Variants in ABCC11 observed in about 807,000 individuals in gnomAD.
ABCC11 encodes ATP-binding cassette sub-family C member 11.
Under a neutral mutation model 149.3 loss-of-function variants are expected in ABCC11, and 135 were observed. The observed-to-expected ratio is 0.90, with a 90% CI of 0.79 to 1.04. The LOEUF (loss-of-function observed/expected upper bound fraction) is 1.04. Ranked by LOEUF, ABCC11 falls within the 50% of genes least tolerant of loss-of-function variation. The pLI is 0.00. For missense variants in ABCC11, 1,680 were observed against 1,722.1 expected (o/e 0.98, Z 0.43); for synonymous variants, 665 against 671.4 (o/e 0.99, Z 0.15).
intron 1 of ABCC11, among the ~76,000 whole-genome samples, chr16:48,246,955 G>T (rs1971420873): frequency 6.6e-6 from 1 of 152,060 alleles, no homozygotes; most frequent in Non-Finnish European, 1.5e-5. Flanking sequence ...TAATAATCAG[G>T]TACTGTGTGA....
intron 10 of ABCC11, among the ~76,000 whole-genome samples, chr16:48,211,412 A>G (rs1054451635): frequency 3.3e-5 from 5 of 152,038 alleles, no homozygotes; most frequent in Non-Finnish European, 5.9e-5. Context: ...CCACCGGGCC[A>G]CTCTTCCATA....
In ABCC11 at chr16:48,170,232, A is replaced by G. The variant is rs1459591343; in HGVS notation, c.3778-14T>C. ...GAACTTTGAGATCTGCGATATGGGA[A>G]GAAGAGACAACATAACCTGGAAGCC... On this transcript the variant is annotated splice_polypyrimidine_tract_variant and intron_variant, in intron 27 of 29. Transcript: ENST00000356608. 6.2e-7 allele frequency: 1 copy of G among 1,602,490 alleles called. No individual in the cohort carries two copies. The highest frequency in any genetic ancestry group is 8.6e-7 in the Non-Finnish European group (1 of 1,169,546).
At chr16:48,238,543 A>G (rs984671298) in intron 1 of ABCC11, among the ~76,000 whole-genome samples, 27 of 152,164 alleles carry the variant, frequency 1.8e-4, no homozygotes, top group Non-Finnish European at 3.1e-4. Flanking sequence ...CCTGCAACCT[A>G]AGGCCAAACC....
chr16:48,200,627 G>T, intron 14 of ABCC11, 148 bp from the exon 15 acceptor site: 1 of 814,404 alleles, frequency 1.2e-6, no homozygotes, highest in Non-Finnish European at 1.9e-6. Flanking sequence ...TTGGCATTCT[G>T]GACTTAAAAA....
At chr16:48,225,437 T>A (rs1350177671) in intron 4 of ABCC11, among the ~76,000 whole-genome samples, 1 of 152,232 alleles carries the variant, frequency 6.6e-6, no homozygotes, top group Non-Finnish European at 1.5e-5. Context: ...ATGCCATTTA[T>A]TTGTTGGAGA....
Position 48,208,483 on chromosome 16 carries a change from C to G in ABCC11, c.1622G>C (p.Gly541Ala). 6.2e-7 allele frequency: 1 copy of G among 1,614,192 alleles called. No individual in the cohort carries two copies. The highest frequency in any genetic ancestry group is 1.1e-5 in the South Asian group (1 of 91,084). The change falls in exon 12 of 30, where the codon GGG (glycine) becomes GCG (alanine). Residue 541 changes from glycine to alanine, a missense_variant. Transcript: ENST00000356608. Reference sequence around the variant, plus strand: ...ACCACTCCCCGTGTTGCCGCAGACCCCTAACATCATCCCCTGCAAGCCAAG... The same window carrying G: ...ACCACTCCCCGTGTTGCCGCAGACCGCTAACATCATCCCCTGCAAGCCAAG... ...NLVVSKGMML[G>A]VCGNTGSGKS...
rs1305197175 is a variant in ABCC11 at position 48,205,128 on chromosome 16, T to C, written c.1805+285A>G. Among the ~76,000 whole-genome samples the C allele has an allele frequency of 2.0e-5, 3 of 152,290 alleles. No homozygotes were observed. In the East Asian group the frequency reaches 5.8e-4, roughly 29 times the overall value. Reference sequence around the variant, plus strand: ...ACTATTTTGAGCCAATATAGCGTAATAGTTAAGCACGAAGTTTCTGAAAGC... The same window carrying C: ...ACTATTTTGAGCCAATATAGCGTAACAGTTAAGCACGAAGTTTCTGAAAGC... On this transcript the variant is annotated intron_variant, in intron 13 of 29. Coordinates refer to ENST00000356608, the MANE Select transcript of ABCC11 (RefSeq NM_001370497.1).
At chr16:48,191,323 C>A (rs1966905282) in intron 20 of ABCC11, among the ~76,000 whole-genome samples, 1 of 152,152 alleles carries the variant, frequency 6.6e-6, no homozygotes, top group Admixed American at 6.5e-5. Flanking sequence ...ATGGCTTGAG[C>A]CCAGGAGTTC....
intron 17 of ABCC11, 21 bp from the exon 18 acceptor site, chr16:48,196,342 AG>A: frequency 6.2e-7 from 1 of 1,610,600 alleles, no homozygotes; most frequent in Non-Finnish European, 8.5e-7. Context: ...GTAGAAGAAG[AG>A]AAAAGTGGTA....
intron 1 of ABCC11, among the ~76,000 whole-genome samples, chr16:48,244,972 G>A (rs989101079): frequency 6.6e-6 from 1 of 151,976 alleles, no homozygotes; most frequent in African/African-American, 2.4e-5. Flanking sequence ...CTTTCTCCCC[G>A]GTGATCTCTG....
chr16:48,222,480 T>C (rs1969807921), intron 6 of ABCC11, 118 bp downstream of exon 6: 1 of 816,880 alleles, frequency 1.2e-6, no homozygotes, highest in Non-Finnish European at 1.9e-6. Flanking sequence ...AATTATTTTC[T>C]TTCTCTTTCT....
At chr16:48,208,572 T>A (rs1200205345) in intron 11 of ABCC11, 76 bp from the exon 12 acceptor site, 22 of 1,511,774 alleles carry the variant, frequency 1.5e-5, no homozygotes, top group Non-Finnish European at 1.8e-5. Context: ...GCGGCTCAAC[T>A]GTTTAGAACC....
At position 48,205,284 on chromosome 16, in the gene ABCC11, G is replaced by A. The variant is rs1382004467; in HGVS notation, c.1805+129C>T. ...GATGGTATTTCTTTCACAGTGAGGG[G>A]TGAATATGATAATGCGTTTAAGTGG... On this transcript the variant is annotated intron_variant, in intron 13 of 29. Coordinates refer to ENST00000356608, the MANE Select transcript of ABCC11 (RefSeq NM_001370497.1). 8 of 1,324,732 alleles carry A rather than the reference G, an allele frequency of 6.0e-6. No individual in the cohort carries two copies. The Admixed American group carries it at 8.6e-5, about 14-fold the overall frequency. 82.1% of individuals were successfully genotyped at this position (1,324,732 alleles called of 1,614,324 possible).
Position 48,216,180 on chromosome 16 carries a change from G to C in ABCC11, c.885C>G (p.Ser295=), listed in dbSNP as rs774584704. 1 of 1,614,154 alleles carries C rather than the reference G, an allele frequency of 6.2e-7. No individual in the cohort carries two copies. The highest frequency in any genetic ancestry group is 8.5e-7 in the Non-Finnish European group (1 of 1,180,014). ...CASLVICSIS[S]YFIIGYTAFI... ...ATGCAGTGTATCCAATAATGAAGTA[G>C]GAAGAAATGCTGCAGATGACCAGCG... Residue 295 remains serine, a synonymous_variant, in exon 7 of 30, where the codon TCC becomes TCG. Coordinates refer to ENST00000356608, the MANE Select transcript of ABCC11 (RefSeq NM_001370497.1).
Position 48,167,091 on chromosome 16 carries a change from G to C in ABCC11, c.*183C>G, listed in dbSNP as rs1965374075. ...TGGTTCTGGGGTTCTAAGGTCTTGA[G>C]AGCCATCAAGTAGCCTATTCCAGGG... On this transcript the variant is annotated 3_prime_UTR_variant, in exon 30 of 30. Transcript: ENST00000356608. The C allele has an allele frequency of 3.3e-6, 2 of 600,752 alleles. No individual in the cohort carries two copies. The highest frequency in any genetic ancestry group is 3.9e-5 in the South Asian group (2 of 51,164). The allele number at this position is 600,752 out of a possible 1,614,324, so 37.2% of individuals were successfully genotyped here.
chr16:48,193,118 G>C (rs534760326), intron 19 of ABCC11, among the ~76,000 whole-genome samples: 11 of 152,320 alleles, frequency 7.2e-5, no homozygotes, highest in Admixed American at 6.5e-5. Context: ...CAGGAGCATG[G>C]GGTGTGGGGT....
At chr16:48,205,941 G>A (rs1968410299) in intron 12 of ABCC11, among the ~76,000 whole-genome samples, 1 of 151,982 alleles carries the variant, frequency 6.6e-6, no homozygotes, top group South Asian at 2.1e-4. Flanking sequence ...CTCCTGAGTA[G>A]CTGGGACTAC....
intron 1 of ABCC11, among the ~76,000 whole-genome samples, chr16:48,245,027 A>ACTC (rs1317543698): frequency 6.7e-6 from 1 of 149,406 alleles, no homozygotes; most frequent in Non-Finnish European, 1.5e-5. Flanking sequence ...ACTGCCCTTT[A>ACTC]CTCCTATCCG....
At position 48,192,747 on chromosome 16, in the gene ABCC11, A is replaced by C. The variant is rs756499124; in HGVS notation, c.2509-30T>G. 7 of 1,608,712 alleles carry C rather than the reference A, an allele frequency of 4.4e-6. No individual in the cohort carries two copies. The Admixed American group carries it at 1.2e-4, about 27-fold the overall frequency. ...AAGAAAGAACAGGGGGTCTGACTGC[A>C]GGTGTCCGGGGGAAATTCAGTGGCA... On this transcript the variant is annotated intron_variant, in intron 19 of 29. Coordinates refer to ENST00000356608, the MANE Select transcript of ABCC11 (RefSeq NM_001370497.1).
Sources: gnomAD v4.1 joint callset for allele counts (sites outside exome capture counted in the v4.1 genomes callset) on GRCh38, gnomAD v4.1.1 for gene constraint, MANE v1.5 for transcripts, NCBI Gene and HGNC (gene_info 2026-07-23, HGNC 2026-07-21) for gene names.